SND1: variants seen among roughly 807,000 people sequenced by gnomAD.
SND1 encodes the protein staphylococcal nuclease domain-containing protein 1.
Under a neutral mutation model 121.7 loss-of-function variants are expected in SND1, and 38 were observed. The observed-to-expected ratio is 0.31, with a 90% CI of 0.24 to 0.41. The LOEUF (loss-of-function observed/expected upper bound fraction) is 0.41, where lower values mean the gene tolerates loss of function less well. Ranked by LOEUF, SND1 falls within the 10% of genes least tolerant of loss-of-function variation. The pLI is 1.00. For synonymous variants in SND1, 401 were observed against 447.4 expected, an observed-to-expected ratio of 0.90 and a Z score of 1.31; for missense variants, 868 against 1,184.6, an observed-to-expected ratio of 0.73 and a Z score of 3.92.
chr7:127,820,797 C>T (rs1798534181), intron 11 of SND1, among the ~76,000 whole-genome samples: 1 of 152,150 alleles, frequency 6.6e-6, no homozygotes, highest in Non-Finnish European at 1.5e-5. Context: ...GTAGCACTCA[C>T]TTTCCAATGT....
rs1366318238 is a variant in SND1 at position 128,020,661 on chromosome 7, A to G, written c.1779+29605A>G. On this transcript the variant is annotated intron_variant, in intron 16 of 23. Transcript: ENST00000354725. The stretch of plus-strand genomic sequence containing the variant: ...GTCGGCCAGCCTCGATAACATACCC[A>G]GAATGAGAAGGCACCCTCGGCTGAC... Among the ~76,000 whole-genome samples, 5 of 152,230 alleles carry G rather than the reference A, an allele frequency of 3.3e-5. No homozygotes were observed. In the South Asian group the frequency reaches 1.0e-3, roughly 32 times the overall value.
chr7:127,773,629 T>C (rs1030276007), intron 10 of SND1, among the ~76,000 whole-genome samples: 1 of 152,182 alleles, frequency 6.6e-6, no homozygotes, highest in Non-Finnish European at 1.5e-5. Context: ...TCGCTGGGTA[T>C]GTGGAAGAAT....
chr7:127,819,235 C>G (rs1798502070), intron 11 of SND1, among the ~76,000 whole-genome samples: 1 of 152,148 alleles, frequency 6.6e-6, no homozygotes, highest in Non-Finnish European at 1.5e-5. Flanking sequence ...CAAAATTTGT[C>G]AGGCTACATA....
chr7:127,772,456 GTC>G (rs995366232), intron 10 of SND1, among the ~76,000 whole-genome samples: 2 of 152,186 alleles, frequency 1.3e-5, no homozygotes, highest in Non-Finnish European at 2.9e-5. Context: ...CAGAAGTAAT[GTC>G]TGTGATTTGT....
intron 17 of SND1, 101 bp from the exon 18 acceptor site, chr7:128,081,259 G>A (rs1793596821): frequency 6.8e-7 from 1 of 1,462,476 alleles, no homozygotes. Flanking sequence ...GCCTCCCAAA[G>A]TGCTGGGATT....
intron 3 of SND1, among the ~76,000 whole-genome samples, chr7:127,697,571 G>C (rs961328470): frequency 6.6e-6 from 1 of 152,092 alleles, no homozygotes; most frequent in South Asian, 2.1e-4. Flanking sequence ...CTGTTGCTTG[G>C]AAGAACCAAT....
At chr7:128,030,514 G>A (rs766627119) in intron 16 of SND1, 1 of 1,613,322 alleles carries the variant, frequency 6.2e-7, no homozygotes, top group Non-Finnish European at 8.5e-7. Context: ...CAGTTCTGGG[G>A]CCCGGCTGAG....
At chr7:127,764,570 C>T in intron 10 of SND1, among the ~76,000 whole-genome samples, 1 of 152,186 alleles carries the variant, frequency 6.6e-6, no homozygotes, top group East Asian at 1.9e-4. Context: ...AACTTTGACA[C>T]CGATGTGGCA....
At chr7:127,801,170 T>C (rs1028534864) in intron 10 of SND1, among the ~76,000 whole-genome samples, 3 of 152,256 alleles carry the variant, frequency 2.0e-5, no homozygotes, top group Non-Finnish European at 4.4e-5. Context: ...AACCAAACAG[T>C]GCCACATAGC....
chr7:127,655,460 A>T (rs1161753392), intron 1 of SND1, among the ~76,000 whole-genome samples: 3 of 152,212 alleles, frequency 2.0e-5, no homozygotes, highest in African/African-American at 7.2e-5. Context: ...AAGTTGATAC[A>T]GATATTTTGG....
At chr7:127,992,728 C>G (rs1307544165) in intron 16 of SND1, among the ~76,000 whole-genome samples, 1 of 152,184 alleles carries the variant, frequency 6.6e-6, no homozygotes, top group African/African-American at 2.4e-5. Flanking sequence ...AACCACCTTT[C>G]TTCCTGATCA....
chr7:127,842,564 C>G (rs910690396), intron 11 of SND1, among the ~76,000 whole-genome samples: 3 of 152,184 alleles, frequency 2.0e-5, no homozygotes, highest in Non-Finnish European at 2.9e-5. Flanking sequence ...GCTTAACTCT[C>G]AAGTATGTTG....
intron 1 of SND1, among the ~76,000 whole-genome samples, chr7:127,663,136 C>T (rs1447610125): frequency 1.3e-5 from 2 of 152,072 alleles, no homozygotes; most frequent in African/African-American, 4.8e-5. Context: ...ATCCTCCTGC[C>T]TCAGCCTCCA....
At chr7:128,050,237 G>T (rs1017177129) in intron 16 of SND1, among the ~76,000 whole-genome samples, 2 of 152,140 alleles carry the variant, frequency 1.3e-5, no homozygotes, top group Non-Finnish European at 2.9e-5. Context: ...CCTCTATGGA[G>T]GCATTTGCAA....
At chr7:127,713,299 T>A (rs1022315171) in intron 9 of SND1, among the ~76,000 whole-genome samples, 18 of 152,278 alleles carry the variant, frequency 1.2e-4, no homozygotes, top group African/African-American at 4.3e-4. Flanking sequence ...GAACACTGGA[T>A]AGCAACATTA....
intron 16 of SND1, chr7:128,028,550 T>G (rs974465190): frequency 1.4e-5 from 12 of 847,582 alleles, no homozygotes; most frequent in Middle Eastern, 7.6e-4. Context: ...ATATAATCTG[T>G]TTTTTTTAAC....
chr7:128,054,907 T>C (rs1793109909), intron 16 of SND1, among the ~76,000 whole-genome samples: 2 of 152,222 alleles, frequency 1.3e-5, no homozygotes, highest in Non-Finnish European at 2.9e-5. Flanking sequence ...CAGAAAGCCA[T>C]ACACAGCATC....
intron 10 of SND1, among the ~76,000 whole-genome samples, chr7:127,798,119 A>T (rs1798059340): frequency 6.6e-6 from 1 of 152,190 alleles, no homozygotes. Context: ...CCTGTGGAAT[A>T]TAATCATATG....
intron 16 of SND1, among the ~76,000 whole-genome samples, chr7:128,069,227 A>G (rs1031600587): frequency 4.6e-5 from 7 of 152,226 alleles, no homozygotes; most frequent in Admixed American, 3.9e-4. Flanking sequence ...GGAGCTCATT[A>G]AGCAGGGATT....
Sources: allele counts gnomAD v4.1 joint callset (sites outside exome capture counted in the v4.1 genomes callset), GRCh38; gene constraint gnomAD v4.1.1; transcripts MANE v1.5; gene names NCBI Gene and HGNC (gene_info 2026-07-23, HGNC 2026-07-21).